RALYL: variants seen among roughly 807,000 people sequenced by gnomAD.
RALYL encodes the protein RALY RNA binding protein like, also known as RNA-binding Raly-like protein.
In RALYL, 29 loss-of-function variants were observed where a neutral mutation model predicts 35.1. That is an observed-to-expected ratio of 0.83 (90% CI 0.61 to 1.13). The LOEUF (loss-of-function observed/expected upper bound fraction) is 1.13. Ranked by LOEUF, RALYL falls within the 50% of genes most tolerant of loss-of-function variation. RALYL has a pLI of 0.00. For synonymous variants in RALYL, 120 were observed against 127.6 expected (o/e 0.94, Z 0.40); for missense variants, 359 against 360.4 (o/e 1.00, Z 0.03).
chr8:84,580,517 G>A (rs866018340), intron 2 of RALYL, among the ~76,000 whole-genome samples: 3 of 152,074 alleles, frequency 2.0e-5, no homozygotes, highest in Non-Finnish European at 2.9e-5. Context: ...TACTAATACA[G>A]CAAGAAGTCA....
At chr8:84,224,178 G>A (rs972393994) in intron 1 of RALYL, among the ~76,000 whole-genome samples, 4 of 152,134 alleles carry the variant, frequency 2.6e-5, no homozygotes, top group African/African-American at 4.8e-5. Flanking sequence ...ATGGTCATAT[G>A]CTCACTGCAA....
chr8:84,210,440 T>C (rs190769042), intron 1 of RALYL, among the ~76,000 whole-genome samples: 245 of 151,782 alleles, frequency 1.6e-3, no homozygotes, highest in Non-Finnish European at 3.5e-4. Flanking sequence ...CCAGCACGAG[T>C]TGCTTCTCAC....
At chr8:84,718,546 C>T (rs1843311217) in intron 2 of RALYL, among the ~76,000 whole-genome samples, 1 of 152,042 alleles carries the variant, frequency 6.6e-6, no homozygotes, top group East Asian at 1.9e-4. Flanking sequence ...GGCAGATCAC[C>T]TGAGGTCAGG....
intron 1 of RALYL, among the ~76,000 whole-genome samples, chr8:84,195,526 TA>T (rs1476834231): frequency 3.3e-5 from 5 of 152,222 alleles, no homozygotes; most frequent in African/African-American, 1.2e-4. Flanking sequence ...GGAAATGCTT[TA>T]TGTGAAAAGT....
intron 1 of RALYL, among the ~76,000 whole-genome samples, chr8:84,320,462 C>G (rs938821448): frequency 1.3e-4 from 20 of 151,544 alleles, no homozygotes; most frequent in Middle Eastern, 6.8e-3. Context: ...ATGTCTCATT[C>G]TCTATTTTTA....
chr8:84,677,500 T>C (rs1332005936), intron 2 of RALYL, among the ~76,000 whole-genome samples: 1 of 152,176 alleles, frequency 6.6e-6, no homozygotes, highest in Non-Finnish European at 1.5e-5. Flanking sequence ...AATTTGCCTA[T>C]TTCTTAATGA....
At chr8:84,504,615 T>C (rs1472939631) in intron 1 of RALYL, among the ~76,000 whole-genome samples, 1 of 152,090 alleles carries the variant, frequency 6.6e-6, no homozygotes, top group African/African-American at 2.4e-5. Context: ...TTTTATCTCT[T>C]ATAGGAAAAA....
At chr8:84,735,811 C>CGAGAGAGAGAGAGAGAGAGAGA (rs59842702) in intron 2 of RALYL, among the ~76,000 whole-genome samples, 7 of 111,386 alleles carry the variant, frequency 6.3e-5, no homozygotes, top group South Asian at 3.0e-4. Context: ...ATCCAAACCG[C>CGAGAGAGAGAGAGAGAGAGAGA]GAGAGAGAGA....
At chr8:84,429,763 CA>C (rs1367784367) in intron 1 of RALYL, among the ~76,000 whole-genome samples, 1 of 151,940 alleles carries the variant, frequency 6.6e-6, no homozygotes, top group African/African-American at 2.4e-5. Context: ...CTTAAATCTG[CA>C]TGTAAATTTC....
In RALYL at chr8:84,917,399, A is replaced by G. The variant is rs141182776; in HGVS notation, c.859-3495A>G. On this transcript the variant is annotated intron_variant, in intron 8 of 8. Coordinates refer to ENST00000521268, the MANE Select transcript of RALYL (RefSeq NM_173848.7). ...CAGTTTGCCAGTGTAGTCACAATTT[A>G]CCAAGAATCACTATAGACAATGTCA... 7.2e-5 allele frequency among the ~76,000 whole-genome samples: 11 copies of G among 152,050 alleles called. No homozygotes were observed. The East Asian group carries it at 1.9e-3, about 27-fold the overall frequency.
chr8:84,728,158 T>C (rs577697406), intron 2 of RALYL, among the ~76,000 whole-genome samples: 2 of 151,602 alleles, frequency 1.3e-5, no homozygotes, highest in East Asian at 1.9e-4. Context: ...TTTTTAATGA[T>C]TGCCATTCTA....
At chr8:84,668,461 C>T (rs769798321) in intron 2 of RALYL, among the ~76,000 whole-genome samples, 68 of 152,058 alleles carry the variant, frequency 4.5e-4, no homozygotes, top group Non-Finnish European at 1.9e-4. Context: ...AAGACAAAGA[C>T]ACAGTGATTT....
intron 4 of RALYL, among the ~76,000 whole-genome samples, chr8:84,840,739 G>C (rs555518731): frequency 6.6e-6 from 1 of 152,322 alleles, no homozygotes; most frequent in African/African-American, 2.4e-5. Flanking sequence ...TACCCACAAA[G>C]GGAAGCCCAT....
At chr8:84,269,030 G>T (rs1428972675) in intron 1 of RALYL, among the ~76,000 whole-genome samples, 1 of 152,130 alleles carries the variant, frequency 6.6e-6, no homozygotes, top group Non-Finnish European at 1.5e-5. Context: ...TAAGTACTGA[G>T]CATAAATGGT....
chr8:84,729,618 G>A (rs968638971), intron 2 of RALYL, among the ~76,000 whole-genome samples: 98 of 152,122 alleles, frequency 6.4e-4, no homozygotes, highest in African/African-American at 2.0e-3. Flanking sequence ...AAGGATCAAT[G>A]AAATTGTTAG....
chr8:84,533,912 C>A (rs534050793), intron 2 of RALYL, among the ~76,000 whole-genome samples: 4 of 152,196 alleles, frequency 2.6e-5, no homozygotes, highest in African/African-American at 9.6e-5. Context: ...TGTAACAATT[C>A]CCGTCAAGCA....
chr8:84,784,391 G>A (rs1365693660), intron 3 of RALYL, among the ~76,000 whole-genome samples: 3 of 151,966 alleles, frequency 2.0e-5, no homozygotes, highest in African/African-American at 2.4e-5. Flanking sequence ...CTTTTTCCTC[G>A]GTCATCTAGT....
At chr8:84,537,159 TAAAAA>T (rs11284312) in intron 2 of RALYL, among the ~76,000 whole-genome samples, 1 of 139,126 alleles carries the variant, frequency 7.2e-6, no homozygotes, top group Non-Finnish European at 1.5e-5. Flanking sequence ...ATATATATAT[TAAAAA>T]AAAAAAAAAA....
At chr8:84,340,197 C>A (rs1043958314) in intron 1 of RALYL, among the ~76,000 whole-genome samples, 1 of 152,040 alleles carries the variant, frequency 6.6e-6, no homozygotes, top group Non-Finnish European at 1.5e-5. Context: ...ATTACCTAGT[C>A]TCAGGTATTT....
Sources: gnomAD v4.1 joint callset for allele counts (sites outside exome capture counted in the v4.1 genomes callset) on GRCh38, gnomAD v4.1.1 for gene constraint, MANE v1.5 for transcripts, NCBI Gene and HGNC (gene_info 2026-07-23, HGNC 2026-07-21) for gene names.